FMN1: variants seen among roughly 807,000 people sequenced by gnomAD.
The protein encoded by FMN1 is formin-1.
A neutral mutation model predicts 132.4 loss-of-function variants in FMN1; 110 were observed. The observed-to-expected ratio is 0.83, with a 90% confidence interval of 0.71 to 0.97. FMN1 has a LOEUF of 0.97. Among genes scored for constraint, FMN1 ranks in the 50% least tolerant of loss-of-function variants. The pLI is 0.00. For synonymous variants in FMN1, 722 were observed against 651.7 expected, an observed-to-expected ratio of 1.11 and a Z score of -1.64; for missense variants, 1,792 against 1,705.3, an observed-to-expected ratio of 1.05 and a Z score of -0.90.
intron 17 of FMN1, among the ~76,000 whole-genome samples, chr15:32,819,179 G>A (rs146622665): frequency 2.6e-5 from 4 of 152,146 alleles, no homozygotes; most frequent in African/African-American, 4.8e-5. Flanking sequence ...CTCCGAGGAG[G>A]GGGAGGAAAA....
At chr15:33,039,553 C>G (rs1869662) in intron 6 of FMN1, among the ~76,000 whole-genome samples, 28,151 of 152,132 alleles carry the variant, frequency 0.19, 2,792 homozygotes, top group Middle Eastern at 0.24. Context: ...TACCCAAGCA[C>G]TGGATAAACT....
intron 5 of FMN1, among the ~76,000 whole-genome samples, chr15:33,087,482 G>A (rs956751424): frequency 1.5e-4 from 23 of 152,130 alleles, no homozygotes; most frequent in Non-Finnish European, 1.2e-4. Context: ...GGAGGCAGAG[G>A]TTGCAATGAG....
chr15:32,886,798 C>G (rs889997001), intron 16 of FMN1, among the ~76,000 whole-genome samples: 4 of 152,162 alleles, frequency 2.6e-5, no homozygotes, highest in African/African-American at 9.7e-5. Context: ...GGCCCTAATT[C>G]TACCAGTGGA....
intron 4 of FMN1, among the ~76,000 whole-genome samples, chr15:33,107,945 G>A (rs772710411): frequency 6.6e-5 from 10 of 152,192 alleles, no homozygotes; most frequent in African/African-American, 2.2e-4. Context: ...AGCCACAGAG[G>A]TGTGTTTGCA....
intron 14 of FMN1, chr15:32,899,708 T>TAGCAG (rs753136194): frequency 1.0e-5 from 5 of 476,904 alleles, no homozygotes; most frequent in Non-Finnish European, 1.8e-5. Context: ...TCTCACTGAG[T>TAGCAG]AGCAGTTCAA....
chr15:32,867,781 G>A (rs533286175), intron 16 of FMN1, among the ~76,000 whole-genome samples: 12 of 152,304 alleles, frequency 7.9e-5, no homozygotes, highest in Admixed American at 2.0e-4. Context: ...GTGAGCCACC[G>A]CGCCCGGCCA....
chr15:32,880,040 C>G (rs1029567168), intron 16 of FMN1, among the ~76,000 whole-genome samples: 1 of 147,106 alleles, frequency 6.8e-6, no homozygotes, highest in Non-Finnish European at 1.5e-5. Context: ...ATGTCTCTAA[C>G]AAGCTTCTAT....
intron 7 of FMN1, among the ~76,000 whole-genome samples, chr15:32,992,072 A>T (rs114606162): frequency 0.014 from 2,079 of 152,232 alleles, 44 homozygotes; most frequent in African/African-American, 0.048. Flanking sequence ...ACAACATTGG[A>T]TTTGATTTTA....
At chr15:33,022,264 G>A (rs762203423) in intron 6 of FMN1, among the ~76,000 whole-genome samples, 1 of 152,130 alleles carries the variant, frequency 6.6e-6, no homozygotes, top group Non-Finnish European at 1.5e-5. Flanking sequence ...TGCAGAATCC[G>A]AGAATACAGA....
intron 3 of FMN1, among the ~76,000 whole-genome samples, chr15:33,161,928 A>C (rs1002969730): frequency 1.0e-4 from 4 of 39,418 alleles, no homozygotes; most frequent in Admixed American, 8.7e-4. Context: ...AAAAAACAAA[A>C]AAGAAAAAAA....
intron 2 of FMN1, among the ~76,000 whole-genome samples, chr15:33,185,456 T>G (rs1161382971): frequency 1.3e-5 from 2 of 152,014 alleles, no homozygotes; most frequent in Non-Finnish European, 2.9e-5. Flanking sequence ...AAAATTTTAA[T>G]TACCGTTAAT....
intron 15 of FMN1, among the ~76,000 whole-genome samples, chr15:32,897,231 G>A (rs1567348276): frequency 2.6e-5 from 4 of 152,156 alleles, no homozygotes; most frequent in Non-Finnish European, 5.9e-5. Flanking sequence ...TTGGAGAAAT[G>A]TCTATTCAAG....
chr15:32,868,011 T>A (rs535049622), intron 16 of FMN1, among the ~76,000 whole-genome samples: 384 of 152,282 alleles, frequency 2.5e-3, no homozygotes, highest in African/African-American at 8.9e-3. Context: ...AACTACCAGT[T>A]AAAGGGGAGA....
chr15:32,853,319 C>A (rs865921037), intron 17 of FMN1, among the ~76,000 whole-genome samples: 30 of 152,184 alleles, frequency 2.0e-4, no homozygotes, highest in Admixed American at 6.5e-5. Flanking sequence ...ACACCAACTC[C>A]AAAATTGATA....
chr15:33,049,054 G>C (rs1247276163), intron 6 of FMN1, among the ~76,000 whole-genome samples: 1 of 152,208 alleles, frequency 6.6e-6, no homozygotes. Context: ...AAAGCTAAAG[G>C]TTTCAACAAG....
intron 4 of FMN1, among the ~76,000 whole-genome samples, chr15:33,148,315 A>G (rs1452774470): frequency 1.3e-5 from 2 of 152,140 alleles, no homozygotes; most frequent in African/African-American, 2.4e-5. Flanking sequence ...ACGTCATTCT[A>G]CCGAAGTAAC....
At chr15:32,916,354 A>T (rs907482837) in intron 10 of FMN1, among the ~76,000 whole-genome samples, 2 of 152,184 alleles carry the variant, frequency 1.3e-5, no homozygotes, top group Non-Finnish European at 2.9e-5. Flanking sequence ...ATAAACAAAG[A>T]ATGCACTTGC....
intron 4 of FMN1, among the ~76,000 whole-genome samples, chr15:33,089,826 G>A (rs748170954): frequency 6.6e-6 from 1 of 152,158 alleles, no homozygotes; most frequent in African/African-American, 2.4e-5. Flanking sequence ...TCTTAAGATG[G>A]CAATATGTGT....
At chr15:33,142,362 C>G (rs1325966367) in intron 4 of FMN1, among the ~76,000 whole-genome samples, 1 of 152,182 alleles carries the variant, frequency 6.6e-6, no homozygotes, top group Non-Finnish European at 1.5e-5. Flanking sequence ...TGAGTTTAAT[C>G]TTGTTCCATT....
Sources: gnomAD v4.1 joint callset for allele counts (sites outside exome capture counted in the v4.1 genomes callset) on GRCh38, gnomAD v4.1.1 for gene constraint, MANE v1.5 for transcripts, NCBI Gene and HGNC (gene_info 2026-07-23, HGNC 2026-07-21) for gene names.